FAM168A: variants seen among roughly 807,000 people sequenced by gnomAD.
FAM168A encodes family with sequence similarity 168 member A.
FAM168A carries 3 observed loss-of-function variants against 28.5 expected under a neutral mutation model. The ratio of observed to expected loss-of-function variants is 0.11; its 90% CI spans 0.05 to 0.27. The LOEUF is 0.27. Among genes scored for constraint, FAM168A ranks in the 10% least tolerant of loss-of-function variants. The pLI is 1.00. For missense variants in FAM168A, 222 were observed against 311.5 expected, an observed-to-expected ratio of 0.71 and a Z score of 2.16; for synonymous variants, 122 against 124.2, an observed-to-expected ratio of 0.98 and a Z score of 0.12.
chr11:73,422,591 A>G (rs895363137), intron 3 of FAM168A, among the ~76,000 whole-genome samples: 4 of 152,236 alleles, frequency 2.6e-5, no homozygotes, highest in African/African-American at 9.6e-5. Context: ...TTTTAGAGGC[A>G]TGGTCACAGA....
intron 1 of FAM168A, among the ~76,000 whole-genome samples, chr11:73,549,192 T>C (rs951352104): frequency 6.6e-6 from 1 of 152,156 alleles, no homozygotes; most frequent in Admixed American, 6.5e-5. Context: ...TCCACACGCC[T>C]CAGCCACCCA....
chr11:73,475,572 G>A (rs1435483733), intron 1 of FAM168A, among the ~76,000 whole-genome samples: 2 of 151,838 alleles, frequency 1.3e-5, no homozygotes, highest in Non-Finnish European at 2.9e-5. Context: ...GAAGGAGGTG[G>A]AACTTCTGGA....
intron 1 of FAM168A, among the ~76,000 whole-genome samples, chr11:73,595,069 C>T (rs992681946): frequency 3.9e-5 from 6 of 152,076 alleles, no homozygotes; most frequent in Non-Finnish European, 7.4e-5. Context: ...AAAAATCCAC[C>T]AACACATTTC....
At chr11:73,553,577 C>T (rs192383253) in intron 1 of FAM168A, among the ~76,000 whole-genome samples, 43 of 152,294 alleles carry the variant, frequency 2.8e-4, no homozygotes, top group African/African-American at 1.0e-3. Flanking sequence ...CTGTAAAGAG[C>T]ATGACTACTC....
At chr11:73,522,987 T>C (rs1943403799) in intron 1 of FAM168A, among the ~76,000 whole-genome samples, 2 of 151,940 alleles carry the variant, frequency 1.3e-5, no homozygotes, top group Non-Finnish European at 1.5e-5. Context: ...AACTCCAGCC[T>C]GGGCAACAGA....
At chr11:73,449,657 G>A (rs961745639) in intron 2 of FAM168A, among the ~76,000 whole-genome samples, 7 of 152,202 alleles carry the variant, frequency 4.6e-5, no homozygotes, top group African/African-American at 7.2e-5. Flanking sequence ...AGGAAGGTTT[G>A]GAGTCAGGTC....
intron 2 of FAM168A, among the ~76,000 whole-genome samples, chr11:73,458,674 G>A (rs761885799): frequency 4.0e-5 from 6 of 151,214 alleles, no homozygotes; most frequent in Non-Finnish European, 5.9e-5. Flanking sequence ...GCAATGGTGC[G>A]ATCTCGGCTC....
At chr11:73,414,142 C>T (rs990170696) in intron 4 of FAM168A, among the ~76,000 whole-genome samples, 4 of 152,224 alleles carry the variant, frequency 2.6e-5, no homozygotes, top group Middle Eastern at 6.8e-3. Context: ...TTAATTTTAC[C>T]ACAGAATCTT....
chr11:73,421,618 G>T (rs190854299), intron 3 of FAM168A, among the ~76,000 whole-genome samples: 1 of 152,116 alleles, frequency 6.6e-6, no homozygotes, highest in Non-Finnish European at 1.5e-5. Context: ...TTTTCTTTGG[G>T]GGGGTGGGAA....
chr11:73,464,942 G>C (rs1173364840), intron 2 of FAM168A, among the ~76,000 whole-genome samples: 1 of 151,492 alleles, frequency 6.6e-6, no homozygotes, highest in Non-Finnish European at 1.5e-5. Flanking sequence ...TAGCTCTTAA[G>C]TGGCAGAATA....
At chr11:73,596,016 T>C (rs968069967) in intron 1 of FAM168A, among the ~76,000 whole-genome samples, 1 of 152,198 alleles carries the variant, frequency 6.6e-6, no homozygotes, top group Non-Finnish European at 1.5e-5. Context: ...CATCTCAGGA[T>C]TATTAGCCTG....
intron 1 of FAM168A, chr11:73,510,707 C>G (rs1444815463): frequency 8.2e-6 from 3 of 367,506 alleles, no homozygotes; most frequent in Non-Finnish European, 1.5e-5. Flanking sequence ...ACTTATTACT[C>G]CGGAAAAAAA....
At chr11:73,571,614 C>A (rs1178336685) in intron 1 of FAM168A, among the ~76,000 whole-genome samples, 5 of 152,090 alleles carry the variant, frequency 3.3e-5, no homozygotes, top group African/African-American at 7.2e-5. Flanking sequence ...ACCTCCCAGC[C>A]GCCTGCCTTG....
At chr11:73,485,236 T>C (rs543623607) in intron 1 of FAM168A, among the ~76,000 whole-genome samples, 2 of 152,284 alleles carry the variant, frequency 1.3e-5, no homozygotes, top group South Asian at 4.1e-4. Context: ...TCCTAAAAAG[T>C]AGTAATTTCT....
chr11:73,569,757 G>A (rs1944064302), intron 1 of FAM168A, among the ~76,000 whole-genome samples: 1 of 152,044 alleles, frequency 6.6e-6, no homozygotes, highest in Admixed American at 6.6e-5. Context: ...GGGGGGATCG[G>A]AGGTTGCAGT....
intron 7 of FAM168A, among the ~76,000 whole-genome samples, chr11:73,407,303 C>A (rs963930931): frequency 3.3e-5 from 5 of 152,120 alleles, no homozygotes; most frequent in African/African-American, 1.2e-4. Flanking sequence ...ATTATTATTT[C>A]TGTTATTATT....
At position 73,539,539 on chromosome 11, in the gene FAM168A, T is replaced by C. The variant is rs565266743; in HGVS notation, c.-19+58384A>G. 7.9e-5 allele frequency among the ~76,000 whole-genome samples: 12 copies of C among 152,242 alleles called. No individual in the cohort carries two copies. In the South Asian group the frequency reaches 2.5e-3, roughly 32 times the overall value. On this transcript the variant is annotated intron_variant, in intron 1 of 7. Transcript: ENST00000356467. ...CCGCCTCGGCCTCCCAGCGCTGGGA[T>C]TGCAGGTGTGAGCCATCGGGCCCAG...
At chr11:73,571,243 C>CCCCCCCCCCCT (rs1410610985) in intron 1 of FAM168A, among the ~76,000 whole-genome samples, 1 of 112,630 alleles carries the variant, frequency 8.9e-6, no homozygotes, top group Non-Finnish European at 1.8e-5. Flanking sequence ...CTCCCCCCCC[C>CCCCCCCCCCCT]CTCCCCACAG....
intron 3 of FAM168A, among the ~76,000 whole-genome samples, chr11:73,421,249 G>A (rs1866788361): frequency 1.3e-5 from 2 of 152,140 alleles, no homozygotes; most frequent in Admixed American, 6.5e-5. Flanking sequence ...GAGAGATCCC[G>A]TAACCCCCTC....
Sources: allele counts gnomAD v4.1 joint callset (sites outside exome capture counted in the v4.1 genomes callset), GRCh38; gene constraint gnomAD v4.1.1; transcripts MANE v1.5; gene names NCBI Gene and HGNC (gene_info 2026-07-23, HGNC 2026-07-21).